MAGI2: variants seen among roughly 807,000 people sequenced by gnomAD.
The protein encoded by MAGI2 is membrane-associated guanylate kinase, WW and PDZ domain-containing protein 2.
In MAGI2, 35 loss-of-function variants were observed where a neutral mutation model predicts 133.3. That is an observed-to-expected ratio of 0.26 (90% CI 0.20 to 0.35). The LOEUF is 0.35. Among genes scored for constraint, MAGI2 ranks in the 10% least tolerant of loss-of-function variants. The pLI, the probability that MAGI2 is intolerant of heterozygous loss-of-function variation, is 1.00. For missense variants in MAGI2, 1,636 were observed against 1,863.4 expected, an observed-to-expected ratio of 0.88 and a Z score of 2.25; for synonymous variants, 729 against 710.6, an observed-to-expected ratio of 1.03 and a Z score of -0.41.
At chr7:78,900,858 G>A (rs902418779) in intron 2 of MAGI2, among the ~76,000 whole-genome samples, 4 of 152,112 alleles carry the variant, frequency 2.6e-5, no homozygotes, top group Non-Finnish European at 5.9e-5. Context: ...ATAAATACTT[G>A]TTGTGTAGAT....
intron 2 of MAGI2, among the ~76,000 whole-genome samples, chr7:78,920,821 A>G (rs1190436260): frequency 6.6e-6 from 1 of 152,134 alleles, no homozygotes; most frequent in Admixed American, 6.6e-5. Flanking sequence ...CACCTGATCT[A>G]CCACAAAATA....
At chr7:79,346,909 G>A (rs1841359796) in intron 1 of MAGI2, among the ~76,000 whole-genome samples, 1 of 151,962 alleles carries the variant, frequency 6.6e-6, no homozygotes, top group African/African-American at 2.4e-5. Context: ...TCACATCTGT[G>A]ATAATAGCTC....
At chr7:78,201,521 T>G (rs745985480) in intron 10 of MAGI2, among the ~76,000 whole-genome samples, 20 of 152,180 alleles carry the variant, frequency 1.3e-4, no homozygotes, top group Non-Finnish European at 5.9e-5. Context: ...ACAGCCTTAG[T>G]GGGAAAGAGA....
In MAGI2 at chr7:78,814,631, C is replaced by T. The variant is rs553790797; in HGVS notation, c.419-187392G>A. 9.9e-5 allele frequency among the ~76,000 whole-genome samples: 15 copies of T among 152,004 alleles called. No individual in the cohort carries two copies. In the East Asian group the frequency reaches 2.5e-3, roughly 25 times the overall value. ...TTATGTCTTTGTGTGTGTGTGTGTG[C>T]ACAAACCCTGGTGAAACTTAAGGAT... On this transcript the variant is annotated intron_variant, in intron 2 of 21. Transcript: ENST00000354212.
At chr7:78,463,055 AAAAAT>A (rs1446470630) in intron 6 of MAGI2, among the ~76,000 whole-genome samples, 1 of 152,234 alleles carries the variant, frequency 6.6e-6, no homozygotes, top group African/African-American at 2.4e-5. Flanking sequence ...GGCAGCTTAT[AAAAAT>A]GTTATCTGGG....
chr7:79,305,938 G>C (rs1393821568), intron 1 of MAGI2, among the ~76,000 whole-genome samples: 1 of 150,620 alleles, frequency 6.6e-6, no homozygotes, highest in Non-Finnish European at 1.5e-5. Flanking sequence ...AAACTCCTTT[G>C]GTGAGGCATA....
chr7:78,807,372 C>T (rs1784181947), intron 2 of MAGI2, among the ~76,000 whole-genome samples: 1 of 151,996 alleles, frequency 6.6e-6, no homozygotes, highest in South Asian at 2.1e-4. Flanking sequence ...TTTTTCAAAA[C>T]ATATTTGAAA....
At chr7:78,626,044 T>A (rs1269636473) in intron 3 of MAGI2, among the ~76,000 whole-genome samples, 2 of 152,186 alleles carry the variant, frequency 1.3e-5, no homozygotes, top group Admixed American at 6.5e-5. Flanking sequence ...AGGGCCCAAC[T>A]GTTAACGTGG....
At chr7:78,321,174 C>T (rs1787965484) in intron 9 of MAGI2, among the ~76,000 whole-genome samples, 1 of 152,134 alleles carries the variant, frequency 6.6e-6, no homozygotes, top group Non-Finnish European at 1.5e-5. Flanking sequence ...GAATCAGTAT[C>T]ATGAAAATGG....
intron 2 of MAGI2, among the ~76,000 whole-genome samples, chr7:78,890,040 C>G (rs906838724): frequency 2.0e-5 from 3 of 152,076 alleles, no homozygotes; most frequent in African/African-American, 4.8e-5. Context: ...GAAGATCTAC[C>G]AAGCAAATGA....
chr7:78,617,856 G>A (rs38109), intron 3 of MAGI2: 104,985 of 151,774 alleles, frequency 0.69, 36,777 homozygotes, highest in Middle Eastern at 0.81. Context: ...GAGGGCATTG[G>A]TTTTTCCAGT....
intron 1 of MAGI2, among the ~76,000 whole-genome samples, chr7:79,078,574 T>G (rs1815754794): frequency 6.6e-6 from 1 of 152,214 alleles, no homozygotes; most frequent in Non-Finnish European, 1.5e-5. Flanking sequence ...TCTAGGTTGT[T>G]GTATAAAAAT....
intron 3 of MAGI2, among the ~76,000 whole-genome samples, chr7:78,545,267 C>A (rs1798738386): frequency 7.4e-6 from 1 of 135,604 alleles, no homozygotes. Context: ...GGCTGGAGAG[C>A]AGTGGCTCGA....
chr7:79,341,420 T>C (rs766819712), intron 1 of MAGI2, among the ~76,000 whole-genome samples: 3 of 152,040 alleles, frequency 2.0e-5, no homozygotes, highest in Non-Finnish European at 4.4e-5. Flanking sequence ...ACAGCACCCT[T>C]AAGCAAGAGG....
chr7:78,611,754 T>C (rs927460554), intron 3 of MAGI2, among the ~76,000 whole-genome samples: 9 of 152,044 alleles, frequency 5.9e-5, no homozygotes, highest in African/African-American at 2.2e-4. Context: ...GTAGTATGAT[T>C]GTATTTAGTT....
chr7:78,209,987 C>T (rs1225283681), intron 10 of MAGI2, among the ~76,000 whole-genome samples: 1 of 152,144 alleles, frequency 6.6e-6, no homozygotes, highest in Non-Finnish European at 1.5e-5. Flanking sequence ...TATGTGTCAG[C>T]TTAAGTATCA....
At chr7:79,253,397 C>G (rs1326411863) in intron 1 of MAGI2, among the ~76,000 whole-genome samples, 1 of 152,120 alleles carries the variant, frequency 6.6e-6, no homozygotes, top group Non-Finnish European at 1.5e-5. Flanking sequence ...AATCCCAGCA[C>G]TTTGGGTGGC....
intron 2 of MAGI2, among the ~76,000 whole-genome samples, chr7:78,822,926 A>T (rs1318099281): frequency 2.0e-5 from 3 of 152,196 alleles, no homozygotes; most frequent in African/African-American, 7.2e-5. Context: ...ACTACAATAA[A>T]CTATGGGCAT....
In MAGI2 at chr7:78,163,768, G is replaced by A. The variant is rs1195119028; in HGVS notation, c.2597-3495C>T. Among the ~76,000 whole-genome samples, 9 of 152,040 alleles carry A rather than the reference G, an allele frequency of 5.9e-5. No individual in the cohort carries two copies. In the East Asian group the frequency reaches 7.8e-4, roughly 13 times the overall value. ...AAAAATACAAAAAAATTAGCTGGGC[G>A]TGGTGGTGGTCGCCTGTAGTCCCAG... is the stretch of plus-strand genomic sequence containing the variant. On this transcript the variant is annotated intron_variant, in intron 15 of 21. Transcript: ENST00000354212.
Sources: gnomAD v4.1 joint callset for allele counts (sites outside exome capture counted in the v4.1 genomes callset) on GRCh38, gnomAD v4.1.1 for gene constraint, MANE v1.5 for transcripts, NCBI Gene and HGNC (gene_info 2026-07-23, HGNC 2026-07-21) for gene names.